The following EIF4ENIF1 variants were observed in gnomAD, a reference collection of about 807,000 sequenced individuals.
EIF4ENIF1 encodes eukaryotic translation initiation factor 4E nuclear import factor 1, also known as eukaryotic translation initiation factor 4E transporter.
A neutral mutation model predicts 110.5 loss-of-function variants in EIF4ENIF1; 23 were observed. That is an observed-to-expected ratio of 0.21 (90% CI 0.15 to 0.29). The LOEUF (loss-of-function observed/expected upper bound fraction) is 0.29, where lower values mean the gene tolerates loss of function less well. Among genes scored for constraint, EIF4ENIF1 ranks in the 10% least tolerant of loss-of-function variants. EIF4ENIF1 has a pLI of 1.00. For synonymous variants in EIF4ENIF1, 440 were observed against 437.0 expected, an observed-to-expected ratio of 1.01 and a Z score of -0.09; for missense variants, 1,031 against 1,221.1, an observed-to-expected ratio of 0.84 and a Z score of 2.32.
rs752377730 is a variant in EIF4ENIF1 at position 31,440,007 on chromosome 22, C to T, written c.2831G>A (p.Arg944His). The part of the protein sequence containing the change: ...LPHMHSQLEH[R>H]PSQRSSSPVG... ...AGGGGAGCTGCTCCTCTGGCTGGGG[C>T]GATGCTCCAGCTGGGAGTGCATGTG... Residue 944 changes from arginine (R) to histidine (H), a missense_variant, in exon 19 of 19, where the codon CGC becomes CAC. Coordinates refer to ENST00000330125, the MANE Select transcript of EIF4ENIF1 (RefSeq NM_019843.4). 3.6e-5 allele frequency: 58 copies of T among 1,613,522 alleles called. No individual in the cohort carries two copies. Among genetic ancestry groups the T allele is most frequent in the East Asian group, 1.1e-4 (5 of 44,886 alleles).
chr22:31,444,659 C>G lies in EIF4ENIF1; in HGVS notation c.2020G>C (p.Val674Leu). ...QQRVTKSPAP[V>L]HRGNSSSPAP... is the part of the protein sequence containing the mutation. ...GGGGAAGAGGAATTCCCTCGATGCACGGGTGCTGGTGACTTGGTCACTCGC... is the reference window on the plus strand; with the variant it reads ...GGGGAAGAGGAATTCCCTCGATGCAGGGGTGCTGGTGACTTGGTCACTCGC... Residue 674 changes from valine (V) to leucine (L), a missense_variant, in exon 15 of 19, where the codon GTG becomes CTG. By Grantham distance (32) the Val-to-Leu change is conservative. Around this residue, in one of 3 missense-constraint regions of EIF4ENIF1, gnomAD observed 704 missense variants for 879.7 expected, o/e 0.80. Coordinates refer to ENST00000330125, the MANE Select transcript of EIF4ENIF1 (RefSeq NM_019843.4). 6.2e-7 allele frequency: 1 copy of G among 1,614,090 alleles called. No individual in the cohort carries two copies. The highest frequency in any genetic ancestry group is 1.1e-5 in the South Asian group (1 of 91,090).
At chr22:31,457,239 T>C (rs5749278) in intron 7 of EIF4ENIF1, among the ~76,000 whole-genome samples, 11,003 of 152,300 alleles carry the variant, frequency 0.072, 681 homozygotes, top group East Asian at 0.33. Context: ...CTCCATAGTT[T>C]ACATTTAATA....
chr22:31,441,905 G>C lies in EIF4ENIF1; in HGVS notation c.2420C>G (p.Pro807Arg). 1 of 1,614,186 alleles carries C rather than the reference G, an allele frequency of 6.2e-7. No individual in the cohort carries two copies. Among genetic ancestry groups the C allele is most frequent in the Non-Finnish European group, 8.5e-7 (1 of 1,180,030 alleles). The change falls in exon 17 of 19, where the codon CCT becomes CGT. Residue 807 changes from proline to arginine, a missense_variant. This residue lies in a region of EIF4ENIF1 where 309 missense variants were observed against 299.1 expected (regional missense o/e 1.03). Transcript: ENST00000330125. The part of the protein sequence containing the change: ...SPVPTTPFLR[P>R]VHQVPLVPHV... ...GGGGACAAGGGGAACTTGGTGGACA[G>C]GGCGGAGAAAAGGTGTTGTAGGAAC...
chr22:31,447,332 G>A (rs1319653402), intron 14 of EIF4ENIF1, 94 bp downstream of exon 14: 1 of 1,461,832 alleles, frequency 6.8e-7, no homozygotes, highest in South Asian at 1.2e-5. Flanking sequence ...ACATACCACA[G>A]TATGTACAAC....
Position 31,488,604 on chromosome 22 carries a change from C to A in EIF4ENIF1, c.96+19G>T, listed in dbSNP as rs1460085592. ...CGCCACCTAAAAAGAAACACTATTT[C>A]ATTAGTGGCAAACCTTACTTTTGTA... On this transcript the variant is annotated intron_variant, in intron 2 of 18. Coordinates refer to ENST00000330125, the MANE Select transcript of EIF4ENIF1 (RefSeq NM_019843.4). The A allele has an allele frequency of 6.2e-7, 1 of 1,614,026 alleles. No homozygotes were observed. The highest frequency in any genetic ancestry group is 1.1e-5 in the South Asian group (1 of 91,058).
At chr22:31,492,775 A>T (rs986432273), upstream of EIF4ENIF1, among the ~76,000 whole-genome samples, 21 of 152,208 alleles carry the variant, frequency 1.4e-4, no homozygotes, top group African/African-American at 4.8e-4. Context: ...TGTATCGCCC[A>T]GGCTGGAGTG....
At chr22:31,456,369 G>T (rs922652336) in intron 7 of EIF4ENIF1, among the ~76,000 whole-genome samples, 1 of 150,916 alleles carries the variant, frequency 6.6e-6, no homozygotes, top group African/African-American at 2.4e-5. Context: ...GACTACAGGC[G>T]CCTGCCACCA....
rs2050539960 is a variant in EIF4ENIF1, at chr22:31,448,285, G to C, written c.1769-53C>G. ...ACCAAGATGGTATGTGTGCATCAGG[G>C]AGGCATTTTCATTAATGCATGACAT... On this transcript the variant is annotated intron_variant, in intron 12 of 18. Coordinates refer to ENST00000330125, the MANE Select transcript of EIF4ENIF1 (RefSeq NM_019843.4). The C allele has an allele frequency of 9.5e-6, 15 of 1,571,994 alleles. No individual in the cohort carries two copies. The South Asian group carries it at 1.4e-4, about 15-fold the overall frequency.
intron 2 of EIF4ENIF1, among the ~76,000 whole-genome samples, chr22:31,476,017 C>A (rs1170475837): frequency 1.3e-5 from 2 of 152,006 alleles, no homozygotes; most frequent in Non-Finnish European, 2.9e-5. Context: ...ATTACTGTAA[C>A]ACAGAAATCC....
intron 2 of EIF4ENIF1, among the ~76,000 whole-genome samples, chr22:31,483,784 G>C (rs887697518): frequency 6.6e-6 from 1 of 152,048 alleles, no homozygotes; most frequent in Non-Finnish European, 1.5e-5. Context: ...AACATGATCC[G>C]ATCACTTTAA....
chr22:31,440,172 T>C, intron 18 of EIF4ENIF1, 51 bp from the exon 19 acceptor site: 2 of 1,613,356 alleles, frequency 1.2e-6, no homozygotes, highest in Non-Finnish European at 1.7e-6. Flanking sequence ...GAAAGTTTAT[T>C]AGACCCTGCT....
intron 8 of EIF4ENIF1, 71 bp downstream of exon 8, chr22:31,455,781 G>A: frequency 6.3e-7 from 1 of 1,586,786 alleles, no homozygotes; most frequent in Non-Finnish European, 8.6e-7. Flanking sequence ...CCTGACTAAT[G>A]AAGATAAAAT....
chr22:31,470,246 G>A (rs2051327238), intron 3 of EIF4ENIF1, among the ~76,000 whole-genome samples: 1 of 2,676 alleles, frequency 3.7e-4, no homozygotes, highest in South Asian at 0.014. Context: ...CTTCATCAGG[G>A]AATGTGGTAT....
At chr22:31,438,001 T>G (rs1226013671), downstream of EIF4ENIF1, among the ~76,000 whole-genome samples, 1 of 152,228 alleles carries the variant, frequency 6.6e-6, no homozygotes, top group African/African-American at 2.4e-5. Context: ...AAAGGTGACC[T>G]GCTTTCTTGT....
intron 2 of EIF4ENIF1, among the ~76,000 whole-genome samples, chr22:31,480,310 G>A (rs992164973): frequency 2.6e-5 from 4 of 152,154 alleles, no homozygotes; most frequent in African/African-American, 9.7e-5. Context: ...GAAAGCAAAT[G>A]AATCTCAACA....
At chr22:31,458,929 T>C (rs1205858708) in intron 6 of EIF4ENIF1, among the ~76,000 whole-genome samples, 1 of 147,340 alleles carries the variant, frequency 6.8e-6, no homozygotes, top group Admixed American at 6.8e-5. Context: ...GGGGGTCTTT[T>C]TTTTTTTTTT....
At chr22:31,481,484 A>C (rs973890124) in intron 2 of EIF4ENIF1, among the ~76,000 whole-genome samples, 3 of 152,184 alleles carry the variant, frequency 2.0e-5, no homozygotes, top group African/African-American at 7.2e-5. Context: ...AAATTAGTTT[A>C]AGAAGTTTAT....
intron 4 of EIF4ENIF1, among the ~76,000 whole-genome samples, chr22:31,465,324 A>C (rs1321838648): frequency 8.0e-6 from 1 of 125,568 alleles, no homozygotes; most frequent in Non-Finnish European, 1.6e-5. Flanking sequence ...ACTCTGTCTC[A>C]AAAAAAAAAA....
chr22:31,472,287 T>TTA, intron 2 of EIF4ENIF1, among the ~76,000 whole-genome samples: 1 of 151,790 alleles, frequency 6.6e-6, no homozygotes, highest in South Asian at 2.1e-4. Context: ...TTTTTTTTTT[T>TTA]ACATGGAATC....
Sources: allele counts gnomAD v4.1 joint callset (sites outside exome capture counted in the v4.1 genomes callset), GRCh38; gene constraint gnomAD v4.1.1; regional missense constraint gnomAD v4.1.1; transcripts MANE v1.5; gene names NCBI Gene and HGNC (gene_info 2026-07-23, HGNC 2026-07-21).